MINDY3: variants seen among roughly 807,000 people sequenced by gnomAD.
MINDY3 encodes MINDY lysine 48 deubiquitinase 3, also known as ubiquitin carboxyl-terminal hydrolase MINDY-3.
In MINDY3, 38 loss-of-function variants were observed where a neutral mutation model predicts 69.2. The ratio of observed to expected loss-of-function variants is 0.55; its 90% CI spans 0.42 to 0.72. The LOEUF (loss-of-function observed/expected upper bound fraction) is 0.72, where lower values mean the gene tolerates loss of function less well. MINDY3 is among the 30% of genes least tolerant of loss of function. The pLI is 0.00. For synonymous variants in MINDY3, 192 were observed against 180.1 expected, an observed-to-expected ratio of 1.07 and a Z score of -0.53; for missense variants, 522 against 519.0, an observed-to-expected ratio of 1.01 and a Z score of -0.06.
intron 14 of MINDY3, among the ~76,000 whole-genome samples, chr10:15,780,690 T>C (rs1323088120): frequency 1.3e-5 from 2 of 152,244 alleles, no homozygotes; most frequent in African/African-American, 2.4e-5. Flanking sequence ...TCAAAACATA[T>C]TTCTGTGACT....
Position 15,834,553 on chromosome 10 carries a change from C to T in MINDY3, c.640G>A (p.Gly214Arg). The change falls in exon 7 of 15, where the codon GGA becomes AGA. Residue 214 changes from glycine (G) to arginine (R), a missense_variant. Coordinates refer to ENST00000277632, the MANE Select transcript of MINDY3 (RefSeq NM_024948.4). ...ATTTTAGTTAATTACCTGCCATGTC[C>T]ATATACAGGATCTATCAAGGGTTCA... ...ASEPLIDPVYGHGSQSLINLL... is the reference protein window; with the variant it reads ...ASEPLIDPVYRHGSQSLINLL... 6.2e-7 allele frequency: 1 copy of T among 1,610,116 alleles called. No homozygotes were observed. Among genetic ancestry groups the T allele is most frequent in the Non-Finnish European group, 8.5e-7 (1 of 1,177,272 alleles).
chr10:15,811,840 A>G (rs1006821303), intron 10 of MINDY3, among the ~76,000 whole-genome samples: 2 of 152,212 alleles, frequency 1.3e-5, no homozygotes, highest in Non-Finnish European at 2.9e-5. Context: ...ACTAGTATTT[A>G]TAACCTAAAA....
intron 11 of MINDY3, among the ~76,000 whole-genome samples, chr10:15,790,838 G>A (rs1443369700): frequency 6.6e-6 from 1 of 152,096 alleles, no homozygotes; most frequent in Non-Finnish European, 1.5e-5. Flanking sequence ...TTTCGGGTGA[G>A]GGATGCTCAG....
intron 3 of MINDY3, 101 bp downstream of exon 3, chr10:15,843,111 G>GA (rs1338642261): frequency 7.7e-5 from 73 of 954,106 alleles, no homozygotes; most frequent in Admixed American, 1.6e-4. Flanking sequence ...GAAACCTCAG[G>GA]AAAAAAAATT....
intron 6 of MINDY3, among the ~76,000 whole-genome samples, chr10:15,836,882 T>G (rs1018350165): frequency 6.6e-6 from 1 of 151,328 alleles, no homozygotes; most frequent in East Asian, 1.9e-4. Context: ...AGAAATGGAA[T>G]CAAGGTCAAA....
At position 15,837,311 on chromosome 10, in the gene MINDY3, A is replaced by T; in HGVS notation, c.469T>A (p.Ser157Thr). ...ERFHALIQKR[S>T]FRSLPELKDA... ...TTTAATTCTGGTAAACTTCTGAACG[A>T]TCTTTTTCTGGGGGAAAAAAAGAAT... Residue 157 changes from serine to threonine, a missense_variant, in exon 6 of 15, where the codon TCG (serine) becomes ACG (threonine). Physicochemically the swap from Ser to Thr is moderately conservative, Grantham distance 58. Coordinates refer to ENST00000277632, the MANE Select transcript of MINDY3 (RefSeq NM_024948.4). 6.9e-6 allele frequency: 11 copies of T among 1,590,848 alleles called. No individual in the cohort carries two copies. Among genetic ancestry groups the T allele is most frequent in the Non-Finnish European group, 9.4e-6 (11 of 1,168,170 alleles).
chr10:15,821,564 T>G lies in MINDY3; in HGVS notation c.801+92A>C, dbSNP rs917230419. On this transcript the variant is annotated intron_variant, in intron 9 of 14. Coordinates refer to ENST00000277632, the MANE Select transcript of MINDY3 (RefSeq NM_024948.4). ...AGAGCGGTACTGAACCATAGTGCTG[T>G]GCTCAAATGTGCTGTCAGAGGAACA... 9 of 906,244 alleles carry G rather than the reference T, an allele frequency of 9.9e-6. No homozygotes were observed. In the African/African-American group the frequency reaches 1.3e-4, roughly 13 times the overall value. The allele number at this position is 906,244 out of a possible 1,614,324, so 56.1% of individuals were successfully genotyped here.
rs535257550 is a variant in MINDY3 at position 15,858,776 on chromosome 10, T to G, written c.94+1430A>C. Reference sequence around the variant, plus strand: ...TTATTCTACTTTGTAAAATGTTTAATAAATGTTAACTGATTACAATGGAAG... The same window carrying G: ...TTATTCTACTTTGTAAAATGTTTAAGAAATGTTAACTGATTACAATGGAAG... On this transcript the variant is annotated intron_variant, in intron 1 of 14. Coordinates refer to ENST00000277632, the MANE Select transcript of MINDY3 (RefSeq NM_024948.4). Among the ~76,000 whole-genome samples the G allele has an allele frequency of 1.4e-3, 212 of 152,340 alleles. 2 individuals carry two copies. Among genetic ancestry groups the G allele is most frequent in the Middle Eastern group, 6.8e-3 (2 of 294 alleles).
Position 15,838,217 on chromosome 10 carries a change from A to G in MINDY3, c.461+11T>C, listed in dbSNP as rs200488243. 19 of 1,600,830 alleles carry G rather than the reference A, an allele frequency of 1.2e-5. No homozygotes were observed. Among genetic ancestry groups the G allele is most frequent in the South Asian group, 3.4e-5 (3 of 88,990 alleles). On this transcript the variant is annotated intron_variant, in intron 5 of 14. Transcript: ENST00000277632. ...CAGAGTAAGTATTTTAAATGTTCCA[A>G]TGTTACTTACTGAATTAATGCATGA...
At chr10:15,825,682 T>C (rs117476403) in intron 8 of MINDY3, among the ~76,000 whole-genome samples, 1,754 of 152,344 alleles carry the variant, frequency 0.012, 10 homozygotes, top group Non-Finnish European at 0.019. Flanking sequence ...TATTTTATAA[T>C]TGACAAATTA....
chr10:15,796,327 T>C lies in MINDY3; in HGVS notation c.883-155A>G, dbSNP rs558853922. On this transcript the variant is annotated intron_variant, in intron 10 of 14. Transcript: ENST00000277632. ...GTGTAACGAGATAGGTCATAAACTC[T>C]CCAGGCCATTTATTTTACGTCTGAA... Among the ~76,000 whole-genome samples the C allele has an allele frequency of 3.9e-5, 6 of 152,116 alleles. No homozygotes were observed. The South Asian group carries it at 1.2e-3, about 32-fold the overall frequency.
chr10:15,806,234 T>G (rs112827439), intron 10 of MINDY3, among the ~76,000 whole-genome samples: 51 of 152,298 alleles, frequency 3.3e-4, no homozygotes, highest in African/African-American at 1.2e-3. Context: ...GAGCAGTCTA[T>G]ATTTTCCTCT....
intron 12 of MINDY3, chr10:15,789,032 A>G (rs894734597): frequency 7.2e-6 from 3 of 415,226 alleles, no homozygotes; most frequent in Non-Finnish European, 1.3e-5. Flanking sequence ...AAAAAGCAGG[A>G]CAGTAATTGC....
chr10:15,841,591 G>T lies in MINDY3; in HGVS notation c.244C>A (p.Gln82Lys). The T allele has an allele frequency of 6.2e-7, 1 of 1,600,144 alleles. No homozygotes were observed. The highest frequency in any genetic ancestry group is 8.5e-7 in the Non-Finnish European group (1 of 1,173,620). ...AAGGTATGACAAAGGAGTTCCTTCT[G>T]CTCTTCCTCTAAAAATAACCAAAGC... ...SSWRDCSEEE[Q>K]KELLCHTLCD... The change falls in exon 4 of 15, where the codon CAG becomes AAG. Residue 82 changes from glutamine to lysine, a missense_variant. Coordinates refer to ENST00000277632, the MANE Select transcript of MINDY3 (RefSeq NM_024948.4).
At chr10:15,801,480 G>A (rs1019599463) in intron 10 of MINDY3, among the ~76,000 whole-genome samples, 35 of 152,016 alleles carry the variant, frequency 2.3e-4, no homozygotes, top group Non-Finnish European at 4.7e-4. Context: ...ACCTTTTAAA[G>A]TTCTTTTGAT....
intron 10 of MINDY3, among the ~76,000 whole-genome samples, chr10:15,809,171 A>G (rs1838832382): frequency 6.6e-6 from 1 of 152,318 alleles, no homozygotes; most frequent in African/African-American, 2.4e-5. Flanking sequence ...TGAAGAATCA[A>G]TGAGGAAAAC....
At chr10:15,780,947 C>A (rs1367407920) in intron 14 of MINDY3, among the ~76,000 whole-genome samples, 1 of 152,082 alleles carries the variant, frequency 6.6e-6, no homozygotes, top group Admixed American at 6.6e-5. Context: ...CACTTGATCT[C>A]CCCGTCTCAG....
chr10:15,797,956 T>A (rs1837960631), intron 10 of MINDY3, among the ~76,000 whole-genome samples: 1 of 152,218 alleles, frequency 6.6e-6, no homozygotes, highest in African/African-American at 2.4e-5. Flanking sequence ...AATTTATAGA[T>A]GAACACCATA....
chr10:15,860,085 G>A (rs113724351), intron 1 of MINDY3, 121 bp downstream of exon 1: 65 of 738,400 alleles, frequency 8.8e-5, no homozygotes, highest in Middle Eastern at 3.7e-4. Flanking sequence ...CTTCAGCGCT[G>A]AGCACGGCGA....
Sources: gnomAD v4.1 joint callset for allele counts (sites outside exome capture counted in the v4.1 genomes callset) on GRCh38, gnomAD v4.1.1 for gene constraint, MANE v1.5 for transcripts, NCBI Gene and HGNC (gene_info 2026-07-23, HGNC 2026-07-21) for gene names.